The following C5AR2 variants were observed in gnomAD, a reference collection of about 807,000 sequenced individuals.
C5AR2 encodes complement C5a receptor 2.
For missense variants in C5AR2, 458 were observed against 467.5 expected (o/e 0.98, Z 0.19); for synonymous variants, 224 against 216.5 (o/e 1.03, Z -0.30).
intron 1 of C5AR2, among the ~76,000 whole-genome samples, chr19:47,337,491 G>A (rs755063708): frequency 7.2e-5 from 11 of 152,032 alleles, no homozygotes; most frequent in East Asian, 3.9e-4. Flanking sequence ...ATGAAACCCC[G>A]TATCTACTAA....
rs776259215 is a variant in C5AR2 at position 47,340,823 on chromosome 19, C to T, written c.24C>T (p.Tyr8=). 89 of 1,613,380 alleles carry T rather than the reference C, an allele frequency of 5.5e-5. No individual in the cohort carries two copies. The highest frequency in any genetic ancestry group is 3.3e-4 in the Middle Eastern group (2 of 6,084). ...GAATGGGGAACGATTCTGTCAGCTA[C>T]GAGTATGGGGATTACAGCGACCTCT... MGNDSVS[Y]EYGDYSDLSD... is the part of the protein sequence containing the mutation. The change falls in exon 2 of 2, where the codon TAC becomes TAT. Residue 8 remains tyrosine, a synonymous_variant. Transcript: ENST00000595464.
Position 47,344,421 on chromosome 19 carries a change from A to G in C5AR2, c.*2608A>G, listed in dbSNP as rs945544675. 1 of 152,130 alleles carries G rather than the reference A, an allele frequency of 6.6e-6. No individual in the cohort carries two copies. The highest frequency in any genetic ancestry group is 6.6e-5 in the Admixed American group (1 of 15,254). The allele number at this position is 152,130 out of a possible 1,614,324, so 9.4% of individuals were successfully genotyped here. On this transcript the variant is annotated 3_prime_UTR_variant, in exon 2 of 2. Transcript: ENST00000595464. ...TCATTACTCCAGAACAGCACTTCAC[A>G]TATAGTTTCTCCTTTAAGGTCATTC...
chr19:47,340,359 T>C (rs1336969357), intron 1 of C5AR2, among the ~76,000 whole-genome samples: 1 of 151,380 alleles, frequency 6.6e-6, no homozygotes, highest in Non-Finnish European at 1.5e-5. Context: ...TTTTTTTTTT[T>C]TTTTTGAGAT....
intron 1 of C5AR2, among the ~76,000 whole-genome samples, chr19:47,333,990 C>T (rs1173885780): frequency 6.6e-6 from 1 of 152,134 alleles, no homozygotes; most frequent in African/African-American, 2.4e-5. Context: ...GCAATCACAA[C>T]AAAAGAAACC....
At chr19:47,336,506 T>G (rs2059359167) in intron 1 of C5AR2, among the ~76,000 whole-genome samples, 1 of 147,592 alleles carries the variant, frequency 6.8e-6, no homozygotes, top group Admixed American at 6.9e-5. Flanking sequence ...TCTTTCTTTC[T>G]TTCTTTTTCT....
At position 47,334,124 on chromosome 19, in the gene C5AR2, G is replaced by A. The variant is rs115424124; in HGVS notation, c.-16+1775G>A. On this transcript the variant is annotated intron_variant, in intron 1 of 1. Coordinates refer to ENST00000595464, the MANE Select transcript of C5AR2 (RefSeq NM_001271749.2). ...AGATGCCAGGGACACAGCGGCACCC[G>A]AGGCTGGAAGGAGCTGATGTTGTGG... Among the ~76,000 whole-genome samples, 350 of 152,264 alleles carry A rather than the reference G, an allele frequency of 2.3e-3. 3 individuals are homozygous for A. Among genetic ancestry groups the A allele is most frequent in the African/African-American group, 7.8e-3 (322 of 41,536 alleles).
At chr19:47,338,243 C>A (rs2059366067) in intron 1 of C5AR2, among the ~76,000 whole-genome samples, 1 of 146,030 alleles carries the variant, frequency 6.8e-6, no homozygotes, top group Non-Finnish European at 1.5e-5. Flanking sequence ...CCACTGCACT[C>A]CAGCGTTGGC....
At position 47,341,534 on chromosome 19, in the gene C5AR2, C is replaced by A; in HGVS notation, c.735C>A (p.Cys245Ter). 6.2e-7 allele frequency: 1 copy of A among 1,612,602 alleles called. No homozygotes were observed. The highest frequency in any genetic ancestry group is 8.5e-7 in the Non-Finnish European group (1 of 1,179,650). The change falls in exon 2 of 2, where the codon TGC (cysteine) becomes TGA (stop). Residue 245 changes from cysteine to a stop codon, truncating the protein, a stop_gained. Coordinates refer to ENST00000595464, the MANE Select transcript of C5AR2 (RefSeq NM_001271749.2). LOFTEE classifies it low-confidence loss of function (END_TRUNC). This position sits in a 1 kb window ranked among gnomAD's most constrained non-coding sequence, Gnocchi z 4.6. Reference protein sequence around the residue: ...GTAIVVGFFVCWAPYHLLGLV... With the variant: ...GTAIVVGFFV ...CCATTGTGGTGGGGTTTTTTGTCTG[C>A]TGGGCACCCTACCACCTGCTGGGGC...
At position 47,342,132 on chromosome 19, in the gene C5AR2, A is replaced by G. The variant is rs1246172497; in HGVS notation, c.*319A>G. ...GGCTTTGGGAGGCTGAGGCAGGTAG[A>G]TCACTTGAGGTCAGGACTTCAAGAC... On this transcript the variant is annotated 3_prime_UTR_variant, in exon 2 of 2. Coordinates refer to ENST00000595464, the MANE Select transcript of C5AR2 (RefSeq NM_001271749.2). 3.8e-6 allele frequency: 1 copy of G among 260,102 alleles called. No homozygotes were observed. The highest frequency in any genetic ancestry group is 2.2e-5 in the African/African-American group (1 of 45,650). 16.1% of individuals were successfully genotyped at this position (260,102 alleles called of 1,614,324 possible). A position where few individuals can be genotyped will look rare whatever the true frequency, so the allele number is the denominator to read the frequency against.
chr19:47,341,931 G>C lies in C5AR2; in HGVS notation c.*118G>C, dbSNP rs1969046535. 2 of 1,008,962 alleles carry C rather than the reference G, an allele frequency of 2.0e-6. No individual in the cohort carries two copies. 62.5% of individuals were successfully genotyped at this position (1,008,962 alleles called of 1,614,324 possible). On this transcript the variant is annotated 3_prime_UTR_variant, in exon 2 of 2. Transcript: ENST00000595464. The surrounding 1 kb of genome is among the most constrained non-coding windows in gnomAD (Gnocchi z 4.6). ...ATTTTATTCCTTCCTTCATTCAACAGATATCCATCATGCACTTGCTATGTG... is the reference window on the plus strand; with the variant it reads ...ATTTTATTCCTTCCTTCATTCAACACATATCCATCATGCACTTGCTATGTG...
chr19:47,340,671 G>T (rs1415697343), intron 1 of C5AR2, 114 bp from the exon 2 acceptor site: 3 of 919,616 alleles, frequency 3.3e-6, no homozygotes, highest in African/African-American at 1.6e-5. Context: ...GAGTCCTTAT[G>T]ACGCAATATT....
chr19:47,341,442 G>T lies in C5AR2; in HGVS notation c.643G>T (p.Ala215Ser). 1 of 1,611,830 alleles carries T rather than the reference G, an allele frequency of 6.2e-7. No homozygotes were observed. Among genetic ancestry groups the T allele is most frequent in the Non-Finnish European group, 8.5e-7 (1 of 1,179,860 alleles). The change falls in exon 2 of 2, where the codon GCC becomes TCC. Residue 215 changes from alanine (A) to serine (S), a missense_variant. Coordinates refer to ENST00000595464, the MANE Select transcript of C5AR2 (RefSeq NM_001271749.2). The surrounding 1 kb of genome is among the most constrained non-coding windows in gnomAD (Gnocchi z 4.6). Reference sequence around the variant, plus strand: ...TTTTGGCTTCCTGGGGCCCCTGGTGGCCGTGGCCAGCTGCCACAGTGCCCT... The same window carrying T: ...TTTTGGCTTCCTGGGGCCCCTGGTGTCCGTGGCCAGCTGCCACAGTGCCCT... ...FLFGFLGPLVAVASCHSALLC... is the reference protein window; with the variant it reads ...FLFGFLGPLVSVASCHSALLC...
rs1411085872 is a variant in C5AR2, at chr19:47,332,279, T to A, written c.-86T>A. The stretch of plus-strand genomic sequence containing the variant: ...AGGGAGAGACCCCAGACCTCCTGGG[T>A]CCTGGCTGTGGGCCCGGATTGGGCT... On this transcript the variant is annotated 5_prime_UTR_variant, in exon 1 of 2. Transcript: ENST00000595464. 1 of 152,090 alleles carries A rather than the reference T, an allele frequency of 6.6e-6. No individual in the cohort carries two copies. The highest frequency in any genetic ancestry group is 1.5e-5 in the Non-Finnish European group (1 of 68,074). 9.4% of individuals were successfully genotyped at this position (152,090 alleles called of 1,614,324 possible). A position where few individuals can be genotyped will look rare whatever the true frequency, so the allele number is the denominator to read the frequency against.
chr19:47,338,810 C>T lies in C5AR2; in HGVS notation c.-15-1975C>T, dbSNP rs985021773. Among the ~76,000 whole-genome samples, 3 of 151,568 alleles carry T rather than the reference C, an allele frequency of 2.0e-5. No individual in the cohort carries two copies. In the South Asian group the frequency reaches 6.2e-4, roughly 32 times the overall value. ...TGGGAAAGTGCCGCTGCAGTCCAGT[C>T]TGGGCTACAGAGCCAGACCCTGTCT... On this transcript the variant is annotated intron_variant, in intron 1 of 1. Coordinates refer to ENST00000595464, the MANE Select transcript of C5AR2 (RefSeq NM_001271749.2).
chr19:47,338,690 T>TAATAATAATAATA lies in C5AR2; in HGVS notation c.-15-2092_-15-2091insAATAATAATAAAT, dbSNP rs1385945632. On this transcript the variant is annotated intron_variant, in intron 1 of 1. Transcript: ENST00000595464. ...TAATAATAATAATAATAATAATAAT[T>TAATAATAATAATA]AATCAGGCATGATGGTGTGCACCTG... Among the ~76,000 whole-genome samples the TAATAATAATAATA allele has an allele frequency of 7.2e-3, 360 of 50,278 alleles. 1 individual carries two copies. Among genetic ancestry groups the TAATAATAATAATA allele is most frequent in the East Asian group, 0.027 (57 of 2,146 alleles). The allele number at this position is 50,278 out of a possible 152,430, so 33.0% of individuals were successfully genotyped here.
chr19:47,344,313 C>G lies in C5AR2; in HGVS notation c.*2500C>G, dbSNP rs564583623. ...AGTGAGCCGTGATCTCATCACTGCACTCTAGCCTAGGTGACGGAGCGGGAC... is the reference window on the plus strand; with the variant it reads ...AGTGAGCCGTGATCTCATCACTGCAGTCTAGCCTAGGTGACGGAGCGGGAC... On this transcript the variant is annotated 3_prime_UTR_variant, in exon 2 of 2. Coordinates refer to ENST00000595464, the MANE Select transcript of C5AR2 (RefSeq NM_001271749.2). The G allele has an allele frequency of 4.6e-5, 7 of 152,300 alleles. No homozygotes were observed. Among genetic ancestry groups the G allele is most frequent in the Admixed American group, 1.3e-4 (2 of 15,256 alleles). The allele number at this position is 152,300 out of a possible 1,614,324, so 9.4% of individuals were successfully genotyped here. A position where few individuals can be genotyped will look rare whatever the true frequency, so the allele number is the denominator to read the frequency against.
chr19:47,339,561 C>A (rs1451323565), intron 1 of C5AR2, among the ~76,000 whole-genome samples: 2 of 152,132 alleles, frequency 1.3e-5, no homozygotes, highest in African/African-American at 4.8e-5. Flanking sequence ...AGGTGATCCA[C>A]CCACCTTGGC....
intron 1 of C5AR2, among the ~76,000 whole-genome samples, chr19:47,338,867 A>G (rs1411522423): frequency 6.6e-6 from 1 of 151,266 alleles, no homozygotes; most frequent in Non-Finnish European, 1.5e-5. Context: ...TAATAATATT[A>G]TTGTGGCCCG....
At chr19:47,334,550 T>C (rs1030833825) in intron 1 of C5AR2, among the ~76,000 whole-genome samples, 5 of 151,776 alleles carry the variant, frequency 3.3e-5, no homozygotes, top group Non-Finnish European at 7.4e-5. Flanking sequence ...GGAGGATCAG[T>C]TGAGCCTAGG....
Sources: allele counts gnomAD v4.1 joint callset (sites outside exome capture counted in the v4.1 genomes callset), GRCh38; gene constraint gnomAD v4.1.1; non-coding constraint Gnocchi (gnomAD v3.1); transcripts MANE v1.5; gene names NCBI Gene and HGNC (gene_info 2026-07-23, HGNC 2026-07-21).